The following TANGO6 variants were observed in gnomAD, a reference collection of about 807,000 sequenced individuals.
TANGO6 encodes transport and golgi organization 6 homolog.
In TANGO6, 90 loss-of-function variants were observed where a neutral mutation model predicts 114.2. That is an observed-to-expected ratio of 0.79 (90% CI 0.66 to 0.94). TANGO6 has a LOEUF of 0.94. Among genes scored for constraint, TANGO6 ranks in the 40% least tolerant of loss-of-function variants. The probability of loss-of-function intolerance (pLI) is 0.00; values close to 1 mark genes in which losing one functional copy is unlikely to be tolerated. For missense variants in TANGO6, 1,274 were observed against 1,315.3 expected (o/e 0.97, Z 0.49); for synonymous variants, 477 against 509.8 (o/e 0.94, Z 0.87).
chr16:68,942,381 T>A (rs750327584), intron 14 of TANGO6, among the ~76,000 whole-genome samples: 42 of 152,136 alleles, frequency 2.8e-4, no homozygotes, highest in Non-Finnish European at 6.0e-4. Flanking sequence ...CTCAGTTTTT[T>A]AAAAGTGATC....
At chr16:68,902,212 T>A (rs1354816414) in intron 8 of TANGO6, 116 bp from the exon 9 acceptor site, 3 of 940,724 alleles carry the variant, frequency 3.2e-6, no homozygotes, top group Non-Finnish European at 4.7e-6. Flanking sequence ...ACTAGGAGAT[T>A]GTGCCAGCAT....
At chr16:68,925,056 A>T (rs144759050) in intron 12 of TANGO6, among the ~76,000 whole-genome samples, 2,740 of 152,122 alleles carry the variant, frequency 0.018, 36 homozygotes, top group Middle Eastern at 0.041. Context: ...CACGCCTGTA[A>T]TCCCAGCATT....
intron 9 of TANGO6, among the ~76,000 whole-genome samples, chr16:68,905,753 G>C (rs905931951): frequency 2.0e-5 from 3 of 151,712 alleles, no homozygotes; most frequent in Non-Finnish European, 2.9e-5. Context: ...CCCCTCTGTA[G>C]TCCCAGCTAC....
intron 14 of TANGO6, among the ~76,000 whole-genome samples, chr16:68,931,791 T>C (rs1362926589): frequency 6.6e-6 from 1 of 152,160 alleles, no homozygotes; most frequent in Non-Finnish European, 1.5e-5. Flanking sequence ...AGACTTCTTT[T>C]TGGGGTGATG....
intron 17 of TANGO6, among the ~76,000 whole-genome samples, chr16:69,043,749 C>T (rs1959809464): frequency 6.6e-6 from 1 of 152,180 alleles, no homozygotes; most frequent in Admixed American, 6.5e-5. Flanking sequence ...CCCCCAGGAA[C>T]AGCTGAAGTG....
intron 6 of TANGO6, 120 bp downstream of exon 6, chr16:68,878,400 A>G (rs1016876881): frequency 2.4e-5 from 29 of 1,216,826 alleles, no homozygotes; most frequent in South Asian, 1.6e-4. Flanking sequence ...CCTCCCCCCA[A>G]CTTTTTATTT....
chr16:68,902,624 T>C, intron 9 of TANGO6, 120 bp downstream of exon 9: 1 of 874,658 alleles, frequency 1.1e-6, no homozygotes, highest in South Asian at 2.3e-5. Flanking sequence ...GTGGCTCAGG[T>C]GCCTGCTATT....
chr16:69,079,880 T>C (rs895414266), intron 17 of TANGO6, among the ~76,000 whole-genome samples: 5 of 152,346 alleles, frequency 3.3e-5, no homozygotes, highest in African/African-American at 1.2e-4. Context: ...TTCTAGATAT[T>C]TGTCCTACAG....
chr16:69,074,498 A>G (rs943697069), intron 17 of TANGO6, among the ~76,000 whole-genome samples: 1 of 152,116 alleles, frequency 6.6e-6, no homozygotes, highest in African/African-American at 2.4e-5. Context: ...ACTCGTATAT[A>G]TGGGGCGATG....
chr16:68,868,749 G>A (rs142574520), intron 4 of TANGO6, among the ~76,000 whole-genome samples: 4 of 151,880 alleles, frequency 2.6e-5, no homozygotes, highest in East Asian at 1.9e-4. Flanking sequence ...CACCCACCTC[G>A]GCCTCCCAAA....
chr16:69,034,395 G>T, intron 16 of TANGO6: 1 of 160,272 alleles, frequency 6.2e-6, no homozygotes, highest in South Asian at 1.8e-4. Flanking sequence ...AGGACCTATA[G>T]CTGCCTGACC....
intron 16 of TANGO6, among the ~76,000 whole-genome samples, chr16:69,037,887 C>T (rs1959715754): frequency 6.6e-6 from 1 of 152,212 alleles, no homozygotes; most frequent in Admixed American, 6.5e-5. Flanking sequence ...TCTAATCTCT[C>T]TGCCATCACT....
At position 69,032,958 on chromosome 16, in the gene TANGO6, G is replaced by A. The variant is rs574576805; in HGVS notation, c.2995-7350G>A. On this transcript the variant is annotated intron_variant, in intron 16 of 17. Transcript: ENST00000261778. ...CTCACCACTTTGGAAGGCCAAGGCAGGCAGATCACCCAAGGTCAGGAGTTC... is the reference window on the plus strand; with the variant it reads ...CTCACCACTTTGGAAGGCCAAGGCAAGCAGATCACCCAAGGTCAGGAGTTC... 2.0e-5 allele frequency among the ~76,000 whole-genome samples: 3 copies of A among 151,914 alleles called. No homozygotes were observed. The East Asian group carries it at 5.8e-4, about 30-fold the overall frequency.
intron 17 of TANGO6, among the ~76,000 whole-genome samples, chr16:69,064,835 C>T (rs927592752): frequency 2.0e-5 from 3 of 152,104 alleles, no homozygotes; most frequent in African/African-American, 7.2e-5. Flanking sequence ...TAGTAGTGAG[C>T]CTTTTTCAGA....
chr16:68,843,809 C>A, intron 1 of TANGO6, 98 bp downstream of exon 1: 2 of 1,215,828 alleles, frequency 1.6e-6, no homozygotes, highest in Non-Finnish European at 1.2e-6. Context: ...GCCCCTTAGG[C>A]CCGCCTCGGG....
chr16:69,019,991 G>A (rs939239271), intron 15 of TANGO6, among the ~76,000 whole-genome samples: 1 of 152,164 alleles, frequency 6.6e-6, no homozygotes, highest in Admixed American at 6.5e-5. Context: ...ACAGTCATGT[G>A]TTGCTTAACA....
chr16:68,944,031 G>T (rs552534422), intron 14 of TANGO6, among the ~76,000 whole-genome samples: 2 of 152,098 alleles, frequency 1.3e-5, no homozygotes, highest in African/African-American at 4.8e-5. Flanking sequence ...CTTTGAGTCC[G>T]GGTTGGGTTT....
chr16:69,002,705 G>A (rs2152221585), intron 15 of TANGO6, among the ~76,000 whole-genome samples: 1 of 152,098 alleles, frequency 6.6e-6, no homozygotes, highest in Non-Finnish European at 1.5e-5. Flanking sequence ...TTGGGTATCT[G>A]TTTTTAATTA....
At chr16:68,934,036 C>A in intron 14 of TANGO6, 1 of 151,366 alleles carries the variant, frequency 6.6e-6, no homozygotes, top group Non-Finnish European at 1.5e-5. Context: ...CCTTGGAATT[C>A]TGGAATTTTT....
Sources: gnomAD v4.1 joint callset for allele counts (sites outside exome capture counted in the v4.1 genomes callset) on GRCh38, gnomAD v4.1.1 for gene constraint, MANE v1.5 for transcripts, NCBI Gene and HGNC (gene_info 2026-07-23, HGNC 2026-07-21) for gene names.